The following ABCA13 variants were observed in gnomAD, a reference collection of about 807,000 sequenced individuals.
ABCA13 encodes the protein ATP binding cassette subfamily A member 13, also known as ATP-binding cassette sub-family A member 13.
ABCA13 carries 476 observed loss-of-function variants against 478.7 expected under a neutral mutation model. The ratio of observed to expected loss-of-function variants is 0.99; its 90% CI spans 0.92 to 1.07. The LOEUF is 1.07. Among genes scored for constraint, ABCA13 ranks in the 50% least tolerant of loss-of-function variants. The pLI, the probability that ABCA13 is intolerant of heterozygous loss-of-function variation, is 0.00. For missense variants in ABCA13, 6,060 were observed against 5,910.6 expected (o/e 1.03, Z -0.83); for synonymous variants, 2,252 against 2,158.9 (o/e 1.04, Z -1.20).
intron 55 of ABCA13, among the ~76,000 whole-genome samples, chr7:48,556,491 G>T (rs1448910003): frequency 6.6e-6 from 1 of 151,766 alleles, no homozygotes; most frequent in East Asian, 1.9e-4. Flanking sequence ...CTCCTGTGTT[G>T]GGTACATAAA....
chr7:48,638,133 A>G (rs1794832394), intron 59 of ABCA13, among the ~76,000 whole-genome samples: 1 of 152,184 alleles, frequency 6.6e-6, no homozygotes, highest in Non-Finnish European at 1.5e-5. Flanking sequence ...ATGCGAAGTC[A>G]GAGAGGAAGG....
chr7:48,560,110 G>A (rs111998302), intron 55 of ABCA13, among the ~76,000 whole-genome samples: 6 of 152,228 alleles, frequency 3.9e-5, no homozygotes, highest in African/African-American at 1.4e-4. Flanking sequence ...TAGTCCTTGT[G>A]TTCTAGGCTC....
At chr7:48,180,549 T>C (rs1009093153) in intron 1 of ABCA13, among the ~76,000 whole-genome samples, 3 of 152,102 alleles carry the variant, frequency 2.0e-5, no homozygotes, top group African/African-American at 7.2e-5. Context: ...GCCTCCTAAG[T>C]AGCTGGGATT....
At chr7:48,420,344 C>T (rs1310834000) in intron 41 of ABCA13, among the ~76,000 whole-genome samples, 1 of 152,128 alleles carries the variant, frequency 6.6e-6, no homozygotes, top group Non-Finnish European at 1.5e-5. Flanking sequence ...ATGCTTGGAC[C>T]TAAGGACAAT....
chr7:48,632,779 G>A (rs992570554), intron 59 of ABCA13, among the ~76,000 whole-genome samples: 6 of 152,188 alleles, frequency 3.9e-5, no homozygotes, highest in Non-Finnish European at 7.3e-5. Flanking sequence ...GACATTTGGT[G>A]TATGTGCTTG....
At chr7:48,623,120 G>A (rs188218394) in intron 59 of ABCA13, among the ~76,000 whole-genome samples, 271 of 152,302 alleles carry the variant, frequency 1.8e-3, no homozygotes, top group Middle Eastern at 6.8e-3. Context: ...GCATGAACAT[G>A]CAAACTCTCG....
At chr7:48,378,386 T>TA (rs1009296752) in intron 35 of ABCA13, among the ~76,000 whole-genome samples, 3 of 152,098 alleles carry the variant, frequency 2.0e-5, no homozygotes, top group Admixed American at 6.5e-5. Flanking sequence ...CAGAGGAAAT[T>TA]AAAAAAAATT....
At chr7:48,442,570 A>G (rs1046642162) in intron 42 of ABCA13, among the ~76,000 whole-genome samples, 5 of 152,212 alleles carry the variant, frequency 3.3e-5, no homozygotes, top group Admixed American at 1.3e-4. Flanking sequence ...TTTAGTATAT[A>G]TTAACTGCTT....
At chr7:48,633,877 A>G (rs1295795096) in intron 59 of ABCA13, among the ~76,000 whole-genome samples, 2 of 151,602 alleles carry the variant, frequency 1.3e-5, no homozygotes, top group African/African-American at 4.9e-5. Context: ...TGACAGAGTG[A>G]GTGAGACACT....
chr7:48,643,389 T>A lies in ABCA13; in HGVS notation c.14939T>A (p.Phe4980Tyr). Residue 4980 changes from phenylalanine to tyrosine, a missense_variant, in exon 60 of 62, where the codon TTC becomes TAC. Physicochemically the swap from Phe to Tyr is conservative, Grantham distance 22. Transcript: ENST00000435803. ...HLKLYFPGIQ[F>Y]KGQHLNLLEY... is the part of the protein sequence containing the mutation. ...AAGCTTTATTTTCCAGGAATTCAGTTCAAGGTAGTGCTAATATCTTGTATT... is the reference window on the plus strand; with the variant it reads ...AAGCTTTATTTTCCAGGAATTCAGTACAAGGTAGTGCTAATATCTTGTATT... The A allele has an allele frequency of 3.7e-6, 6 of 1,607,576 alleles. No homozygotes were observed. The highest frequency in any genetic ancestry group is 5.1e-6 in the Non-Finnish European group (6 of 1,174,212).
rs12334118 is a variant in ABCA13 at position 48,502,304 on chromosome 7, G to T, written c.13292-4032G>T. Among the ~76,000 whole-genome samples, 935 of 152,266 alleles carry T rather than the reference G, an allele frequency of 6.1e-3. 12 individuals are homozygous for T. Among genetic ancestry groups the T allele is most frequent in the African/African-American group, 0.021 (891 of 41,558 alleles). ...ACAAATCCAGGAAATGTGCTAAAAT[G>T]AAGGGCAATAAATTCATAACAGAAG... On this transcript the variant is annotated intron_variant, in intron 48 of 61. Coordinates refer to ENST00000435803, the MANE Select transcript of ABCA13 (RefSeq NM_152701.5).
At chr7:48,472,867 G>A (rs6960177) in intron 45 of ABCA13, among the ~76,000 whole-genome samples, 10,969 of 152,100 alleles carry the variant, frequency 0.072, 520 homozygotes, top group African/African-American at 0.13. Context: ...CATGCATTAG[G>A]GGCGGAACCC....
intron 17 of ABCA13, 104 bp downstream of exon 17, chr7:48,276,669 A>G (rs1796347691): frequency 1.1e-6 from 1 of 869,688 alleles, no homozygotes; most frequent in Admixed American, 2.7e-5. Context: ...TGTATCTAAT[A>G]CCTTTGAAAG....
intron 39 of ABCA13, chr7:48,404,167 G>A: frequency 2.7e-6 from 1 of 364,466 alleles, no homozygotes; most frequent in Non-Finnish European, 5.4e-6. Flanking sequence ...TCTTCTTCTG[G>A]AAGCATAGTT....
intron 58 of ABCA13, 121 bp downstream of exon 58, chr7:48,594,934 A>G (rs1585918359): frequency 2.5e-6 from 2 of 799,272 alleles, no homozygotes; most frequent in East Asian, 5.1e-5. Context: ...ACAACACAAT[A>G]ATGGTGATAT....
chr7:48,600,701 A>T (rs775153239), intron 58 of ABCA13, among the ~76,000 whole-genome samples: 7 of 152,056 alleles, frequency 4.6e-5, no homozygotes, highest in Non-Finnish European at 8.8e-5. Flanking sequence ...TATTATTACC[A>T]TATATATTGC....
At chr7:48,562,105 G>T (rs146183808) in intron 55 of ABCA13, among the ~76,000 whole-genome samples, 21 of 125,906 alleles carry the variant, frequency 1.7e-4, no homozygotes, top group South Asian at 7.2e-4. Flanking sequence ...GCATATGTAT[G>T]GGGGGGGAGG....
chr7:48,411,193 CCTTTT>C lies in ABCA13; in HGVS notation c.12228+526_12228+530del, dbSNP rs1003345384. ...TTTCTTTCTTTCTTTCTCTTTCTTT[CCTTTT>C]CTTTTCTTTCTCCCCTTCCCTTCTC... On this transcript the variant is annotated intron_variant, in intron 40 of 61. Coordinates refer to ENST00000435803, the MANE Select transcript of ABCA13 (RefSeq NM_152701.5). 5.2e-5 allele frequency among the ~76,000 whole-genome samples: 7 copies of C among 134,296 alleles called. 2 individuals carry two copies. The highest frequency in any genetic ancestry group is 1.1e-4 in the Non-Finnish European group (7 of 62,148). The allele number at this position is 134,296 out of a possible 152,430, so 88.1% of individuals were successfully genotyped here. A position where few individuals can be genotyped will look rare whatever the true frequency, so the allele number is the denominator to read the frequency against.
intron 29 of ABCA13, among the ~76,000 whole-genome samples, chr7:48,343,453 G>A (rs1045677801): frequency 7.9e-5 from 12 of 152,122 alleles, no homozygotes; most frequent in Admixed American, 1.3e-4. Context: ...TCAAAGTCCC[G>A]TGGACCACTG....
Sources: gnomAD v4.1 joint callset for allele counts (sites outside exome capture counted in the v4.1 genomes callset) on GRCh38, gnomAD v4.1.1 for gene constraint, MANE v1.5 for transcripts, NCBI Gene and HGNC (gene_info 2026-07-23, HGNC 2026-07-21) for gene names.